GRIA4: variants seen among roughly 807,000 people sequenced by gnomAD.
GRIA4 encodes glutamate receptor 4.
A neutral mutation model predicts 104.0 loss-of-function variants in GRIA4; 34 were observed. The ratio of observed to expected loss-of-function variants is 0.33; its 90% CI spans 0.25 to 0.44. The LOEUF (loss-of-function observed/expected upper bound fraction) is 0.44. Among genes scored for constraint, GRIA4 ranks in the 20% least tolerant of loss-of-function variants. The pLI is 1.00. For missense variants in GRIA4, 750 were observed against 1,096.5 expected, an observed-to-expected ratio of 0.68 and a Z score of 4.46; for synonymous variants, 386 against 381.9, an observed-to-expected ratio of 1.01 and a Z score of -0.13.
At chr11:105,940,340 C>A (rs916217094) in intron 14 of GRIA4, among the ~76,000 whole-genome samples, 1 of 151,862 alleles carries the variant, frequency 6.6e-6, no homozygotes. Context: ...CCAGCCTGGG[C>A]AACACAAGAT....
intron 6 of GRIA4, among the ~76,000 whole-genome samples, chr11:105,895,051 G>C (rs1946601237): frequency 6.7e-6 from 1 of 148,702 alleles, no homozygotes; most frequent in Admixed American, 6.8e-5. Context: ...CACCCGCCTC[G>C]GCCTCCCAAA....
At chr11:105,874,867 A>C (rs1021940746) in intron 5 of GRIA4, among the ~76,000 whole-genome samples, 10 of 152,152 alleles carry the variant, frequency 6.6e-5, no homozygotes, top group African/African-American at 2.4e-5. Flanking sequence ...AAATAGAGAC[A>C]ATTTAACTTC....
At chr11:105,798,496 C>T (rs1942584000) in intron 4 of GRIA4, among the ~76,000 whole-genome samples, 2 of 152,068 alleles carry the variant, frequency 1.3e-5, no homozygotes, top group Admixed American at 1.3e-4. Flanking sequence ...ATGGATGCTA[C>T]ATTTCTTGGA....
Position 105,612,384 on chromosome 11 carries a change from C to G in GRIA4, c.197C>G (p.Pro66Arg). 6.2e-7 allele frequency: 1 copy of G among 1,614,068 alleles called. No homozygotes were observed. Among genetic ancestry groups the G allele is most frequent in the South Asian group, 1.1e-5 (1 of 91,084 alleles). The part of the protein sequence containing the change: ...NASEAPFNLV[P>R]HVDNIETANS... Reference sequence around the variant, plus strand: ...TCGGAAGCTCCTTTTAATTTGGTACCTCATGTGGACAACATTGAGACAGCC... The same window carrying G: ...TCGGAAGCTCCTTTTAATTTGGTACGTCATGTGGACAACATTGAGACAGCC... Residue 66 changes from proline (P) to arginine (R), a missense_variant, in exon 3 of 17, where the codon CCT becomes CGT. Pro to Arg is a moderately radical substitution (Grantham distance 103). This residue lies in a region of GRIA4 where 410 missense variants were observed against 502.7 expected (regional missense o/e 0.82). Coordinates refer to ENST00000282499, the MANE Select transcript of GRIA4 (RefSeq NM_000829.4).
At chr11:105,750,564 A>T (rs1015775599) in intron 3 of GRIA4, among the ~76,000 whole-genome samples, 2 of 152,172 alleles carry the variant, frequency 1.3e-5, no homozygotes, top group Non-Finnish European at 1.5e-5. Flanking sequence ...ATAAAATATC[A>T]GAAAATATTG....
chr11:105,916,465 C>T (rs1947407337), intron 10 of GRIA4, among the ~76,000 whole-genome samples: 1 of 152,152 alleles, frequency 6.6e-6, no homozygotes. Context: ...ACATCTTATA[C>T]TCCTTTGCCA....
intron 4 of GRIA4, among the ~76,000 whole-genome samples, chr11:105,825,597 T>C (rs898734550): frequency 6.6e-6 from 1 of 152,076 alleles, no homozygotes; most frequent in African/African-American, 2.4e-5. Flanking sequence ...AAGAATACAG[T>C]AATTTACAAG....
intron 3 of GRIA4, among the ~76,000 whole-genome samples, chr11:105,694,451 G>C (rs1344387804): frequency 2.6e-5 from 4 of 151,872 alleles, no homozygotes; most frequent in African/African-American, 9.7e-5. Flanking sequence ...CCGGCCACAA[G>C]TTAAATTATC....
At chr11:105,895,265 G>GTGTGTGTGTA (rs1946612202) in intron 6 of GRIA4, among the ~76,000 whole-genome samples, 2 of 151,782 alleles carry the variant, frequency 1.3e-5, no homozygotes, top group Admixed American at 1.3e-4. Flanking sequence ...GTGTGTGTGT[G>GTGTGTGTGTA]TGTGTGTGTG....
Position 105,862,001 on chromosome 11 carries a change from G to C in GRIA4, c.488-23G>C, listed in dbSNP as rs754588882. On this transcript the variant is annotated intron_variant, in intron 4 of 16. Coordinates refer to ENST00000282499, the MANE Select transcript of GRIA4 (RefSeq NM_000829.4). ...AAAGGGGAGTAAAAGCATGTTTTTA[G>C]TAACTTTTTTTTTCCCCAATAGGAT... The C allele has an allele frequency of 7.2e-6, 11 of 1,526,686 alleles. No individual in the cohort carries two copies. In the Admixed American group the frequency reaches 1.2e-4, roughly 17 times the overall value. The allele number at this position is 1,526,686 out of a possible 1,614,324, so 94.6% of individuals were successfully genotyped here. A position where few individuals can be genotyped will look rare whatever the true frequency, so the allele number is the denominator to read the frequency against.
rs61901841 is a variant in GRIA4, at chr11:105,662,007, T to G, written c.247+49573T>G. On this transcript the variant is annotated intron_variant, in intron 3 of 16. Transcript: ENST00000282499. ...TGAAGAAAACTGTGTGTGTGTGTGT[T>G]TGTGTGTGTGTGTGTGTGCACATCA... Among the ~76,000 whole-genome samples, 102 of 149,908 alleles carry G rather than the reference T, an allele frequency of 6.8e-4. 1 individual carries two copies. Among genetic ancestry groups the G allele is most frequent in the African/African-American group, 1.6e-3 (65 of 40,948 alleles).
At chr11:105,848,233 A>C (rs918558782) in intron 4 of GRIA4, among the ~76,000 whole-genome samples, 2 of 152,216 alleles carry the variant, frequency 1.3e-5, no homozygotes, top group Admixed American at 6.5e-5. Context: ...AAATATGAGA[A>C]GGGACAGCAG....
At chr11:105,833,450 T>C (rs1944057132) in intron 4 of GRIA4, among the ~76,000 whole-genome samples, 2 of 152,128 alleles carry the variant, frequency 1.3e-5, no homozygotes, top group Admixed American at 6.6e-5. Flanking sequence ...GATATAGATA[T>C]AGATACAGAC....
At chr11:105,845,239 G>A (rs1944540015) in intron 4 of GRIA4, among the ~76,000 whole-genome samples, 2 of 152,142 alleles carry the variant, frequency 1.3e-5, no homozygotes, top group African/African-American at 2.4e-5. Flanking sequence ...TTCATCTGGG[G>A]TTATCAGTTG....
chr11:105,975,465 T>C (rs1858932696), intron 16 of GRIA4, among the ~76,000 whole-genome samples: 1 of 152,028 alleles, frequency 6.6e-6, no homozygotes, highest in Admixed American at 6.6e-5. Context: ...AATATAGGAG[T>C]TGGAGATTTA....
intron 3 of GRIA4, among the ~76,000 whole-genome samples, chr11:105,622,397 T>C (rs1216420869): frequency 1.3e-5 from 2 of 151,920 alleles, no homozygotes; most frequent in Non-Finnish European, 2.9e-5. Flanking sequence ...CTTTTAAAAG[T>C]GCTTTGAACT....
At chr11:105,790,260 G>T (rs1256938049) in intron 4 of GRIA4, among the ~76,000 whole-genome samples, 1 of 152,124 alleles carries the variant, frequency 6.6e-6, no homozygotes, top group African/African-American at 2.4e-5. Context: ...TAGCTCACCT[G>T]TCAGAGAGAC....
intron 4 of GRIA4, among the ~76,000 whole-genome samples, chr11:105,858,156 T>C (rs1313989244): frequency 6.6e-6 from 1 of 152,198 alleles, no homozygotes; most frequent in Non-Finnish European, 1.5e-5. Context: ...ATTACTATTA[T>C]AATCTAATAA....
At chr11:105,697,316 C>G (rs1191195623) in intron 3 of GRIA4, among the ~76,000 whole-genome samples, 3 of 152,018 alleles carry the variant, frequency 2.0e-5, no homozygotes, top group Non-Finnish European at 2.9e-5. Context: ...GAAAAAAAGC[C>G]TAAATGCATG....
Sources: allele counts gnomAD v4.1 joint callset (sites outside exome capture counted in the v4.1 genomes callset), GRCh38; gene constraint gnomAD v4.1.1; regional missense constraint gnomAD v4.1.1; transcripts MANE v1.5; gene names NCBI Gene and HGNC (gene_info 2026-07-23, HGNC 2026-07-21).